Variants in ADAM22 observed in about 807,000 individuals in gnomAD.
ADAM22 encodes ADAM metallopeptidase domain 22.
Under a neutral mutation model 144.6 loss-of-function variants are expected in ADAM22, and 65 were observed. That is an observed-to-expected ratio of 0.45 (90% CI 0.37 to 0.55). The LOEUF (loss-of-function observed/expected upper bound fraction) is 0.55. ADAM22 is among the 20% of genes least tolerant of loss of function. The pLI is 0.00. For synonymous variants in ADAM22, 391 were observed against 412.6 expected, an observed-to-expected ratio of 0.95 and a Z score of 0.63; for missense variants, 974 against 1,184.9, an observed-to-expected ratio of 0.82 and a Z score of 2.61.
rs542265373 is a variant in ADAM22 at position 88,160,607 on chromosome 7, G to A, written c.1908-2405G>A. Among the ~76,000 whole-genome samples the A allele has an allele frequency of 5.9e-5, 9 of 152,028 alleles. No individual in the cohort carries two copies. In the South Asian group the frequency reaches 1.9e-3, roughly 32 times the overall value. ...TGAAGCTGACAAAAACAAGTAATGG[G>A]GTACTGGGTATATACCCAAAGGATT... On this transcript the variant is annotated intron_variant, in intron 22 of 31. Coordinates refer to ENST00000413139, the MANE Select transcript of ADAM22 (RefSeq NM_001324418.2).
intron 8 of ADAM22, among the ~76,000 whole-genome samples, chr7:88,126,017 G>A (rs547491981): frequency 1.3e-5 from 2 of 151,892 alleles, no homozygotes; most frequent in African/African-American, 4.8e-5. Context: ...TTATTCCCTG[G>A]AAGATAACCC....
intron 3 of ADAM22, among the ~76,000 whole-genome samples, chr7:88,056,659 T>C (rs1808332932): frequency 6.6e-6 from 1 of 152,186 alleles, no homozygotes; most frequent in Non-Finnish European, 1.5e-5. Context: ...ATATATATGA[T>C]GTTTTCTCCT....
intron 7 of ADAM22, among the ~76,000 whole-genome samples, chr7:88,121,662 C>T (rs1174402380): frequency 6.6e-6 from 1 of 151,964 alleles, no homozygotes; most frequent in Non-Finnish European, 1.5e-5. Context: ...ACAGGGCTGC[C>T]CCCCACCAAC....
intron 3 of ADAM22, among the ~76,000 whole-genome samples, chr7:88,009,848 C>T (rs1794957485): frequency 6.6e-6 from 1 of 152,142 alleles, no homozygotes; most frequent in South Asian, 2.1e-4. Flanking sequence ...TTGATTGAGT[C>T]AGCACAGTGG....
intron 7 of ADAM22, among the ~76,000 whole-genome samples, chr7:88,119,960 G>A (rs1175430254): frequency 6.6e-6 from 1 of 152,168 alleles, no homozygotes; most frequent in Admixed American, 6.5e-5. Context: ...CATAGGGTAG[G>A]TACATGTTTA....
In ADAM22 at chr7:88,042,060, A is replaced by G. The variant is rs192106026; in HGVS notation, c.324-33566A>G. Among the ~76,000 whole-genome samples the G allele has an allele frequency of 8.8e-4, 134 of 152,152 alleles. 1 individual carries two copies. Among genetic ancestry groups the G allele is most frequent in the African/African-American group, 2.9e-3 (121 of 41,546 alleles). On this transcript the variant is annotated intron_variant, in intron 3 of 31. Transcript: ENST00000413139. ...CTGGTATTGCTAAAATTGATGATAG[A>G]GCTTTTCTTTGAGTCATATCTATAC...
chr7:87,977,395 C>T (rs1400468527), intron 2 of ADAM22, among the ~76,000 whole-genome samples: 1 of 152,204 alleles, frequency 6.6e-6, no homozygotes, highest in Non-Finnish European at 1.5e-5. Flanking sequence ...GTTGGCCTCA[C>T]ATACTATGTG....
At chr7:87,949,220 A>G (rs760046995) in intron 2 of ADAM22, among the ~76,000 whole-genome samples, 5 of 152,094 alleles carry the variant, frequency 3.3e-5, no homozygotes, top group Non-Finnish European at 7.4e-5. Flanking sequence ...GTTTGAATTG[A>G]AGTAGCTGTC....
intron 9 of ADAM22, 39 bp from the exon 10 acceptor site, chr7:88,130,349 C>T (rs778257701): frequency 7.2e-6 from 11 of 1,519,316 alleles, no homozygotes; most frequent in Middle Eastern, 3.4e-4. Flanking sequence ...GTTTTCTGAT[C>T]ACTTTGCAAG....
At chr7:88,000,605 ATTAT>A (rs932116335) in intron 3 of ADAM22, among the ~76,000 whole-genome samples, 2 of 152,100 alleles carry the variant, frequency 1.3e-5, no homozygotes, top group Admixed American at 1.3e-4. Context: ...CTAGTTTTGC[ATTAT>A]TTATTATAAT....
intron 31 of ADAM22, among the ~76,000 whole-genome samples, chr7:88,194,374 C>T (rs1850236353): frequency 6.6e-6 from 1 of 152,142 alleles, no homozygotes; most frequent in Admixed American, 6.5e-5. Context: ...GCTCTGGCTG[C>T]TGGGATTGTT....
chr7:88,088,078 A>T (rs1818883952), intron 4 of ADAM22, among the ~76,000 whole-genome samples: 1 of 152,192 alleles, frequency 6.6e-6, no homozygotes, highest in Non-Finnish European at 1.5e-5. Flanking sequence ...AGGAGAAAGG[A>T]ATACATAAGG....
chr7:88,077,848 G>A (rs1815088210), intron 4 of ADAM22, among the ~76,000 whole-genome samples: 1 of 152,196 alleles, frequency 6.6e-6, no homozygotes, highest in African/African-American at 2.4e-5. Flanking sequence ...CAGCCCAGAA[G>A]CTCGAACTGG....
intron 7 of ADAM22, among the ~76,000 whole-genome samples, chr7:88,118,919 A>T (rs1828527500): frequency 6.6e-6 from 1 of 152,224 alleles, no homozygotes; most frequent in East Asian, 1.9e-4. Context: ...GGACAAATAA[A>T]TGTCAAAACT....
intron 5 of ADAM22, among the ~76,000 whole-genome samples, chr7:88,112,807 A>G (rs957322205): frequency 5.3e-5 from 8 of 152,228 alleles, no homozygotes; most frequent in Admixed American, 1.3e-4. Flanking sequence ...TCTTGGGTTC[A>G]GGTGATCCTC....
intron 7 of ADAM22, among the ~76,000 whole-genome samples, chr7:88,121,111 G>T (rs759917777): frequency 1.3e-4 from 20 of 151,986 alleles, no homozygotes; most frequent in Non-Finnish European, 2.8e-4. Context: ...TATTTTATTT[G>T]GCTACCCTTA....
chr7:87,969,548 C>T (rs987009899), intron 2 of ADAM22, among the ~76,000 whole-genome samples: 8 of 152,120 alleles, frequency 5.3e-5, no homozygotes, highest in African/African-American at 1.4e-4. Flanking sequence ...CTAAAAGTGT[C>T]GAATGGACTA....
chr7:88,085,395 G>A (rs1409212892), intron 4 of ADAM22, among the ~76,000 whole-genome samples: 2 of 152,084 alleles, frequency 1.3e-5, no homozygotes, highest in African/African-American at 4.8e-5. Flanking sequence ...TGAACTTTTG[G>A]TAAAGAATAC....
intron 4 of ADAM22, among the ~76,000 whole-genome samples, chr7:88,091,348 G>T (rs574674177): frequency 6.6e-6 from 1 of 152,058 alleles, no homozygotes; most frequent in African/African-American, 2.4e-5. Context: ...TTACATCATT[G>T]TCAAAGTCTT....
Sources: allele counts gnomAD v4.1 joint callset (sites outside exome capture counted in the v4.1 genomes callset), GRCh38; gene constraint gnomAD v4.1.1; transcripts MANE v1.5; gene names NCBI Gene and HGNC (gene_info 2026-07-23, HGNC 2026-07-21).